The following PCDHGB3 variants were observed in gnomAD, a reference collection of about 807,000 sequenced individuals.
PCDHGB3 encodes protocadherin gamma-B3.
A neutral mutation model predicts 59.2 loss-of-function variants in PCDHGB3; 40 were observed. The observed-to-expected ratio is 0.68, with a 90% CI of 0.52 to 0.88. The LOEUF is 0.88. Ranked by LOEUF, PCDHGB3 falls within the 40% of genes least tolerant of loss-of-function variation. The pLI is 0.00. For synonymous variants in PCDHGB3, 581 were observed against 503.6 expected (o/e 1.15, Z -2.06); for missense variants, 1,309 against 1,187.9 (o/e 1.10, Z -1.50).
chr5:141,405,364 C>G, intron 1 of PCDHGB3: 1 of 1,613,548 alleles, frequency 6.2e-7, no homozygotes, highest in Non-Finnish European at 8.5e-7. Context: ...TAGAAGACAC[C>G]CCTTTGGTTC....
intron 2 of PCDHGB3, among the ~76,000 whole-genome samples, chr5:141,496,733 C>A (rs1221912777): frequency 6.6e-6 from 1 of 152,138 alleles, no homozygotes; most frequent in Non-Finnish European, 1.5e-5. Context: ...TGTATTCATT[C>A]GTTCATTTAT....
At chr5:141,381,761 A>G (rs1777413345) in intron 1 of PCDHGB3, among the ~76,000 whole-genome samples, 1 of 150,538 alleles carries the variant, frequency 6.6e-6, no homozygotes, top group Non-Finnish European at 1.5e-5. Flanking sequence ...TTCTACTACT[A>G]TATAATCAAT....
chr5:141,419,243 C>T (rs959206942), intron 1 of PCDHGB3: 2 of 1,613,998 alleles, frequency 1.2e-6, no homozygotes, highest in East Asian at 4.5e-5. Flanking sequence ...GGTCCACGTG[C>T]CAGAAAACAA....
chr5:141,385,442 G>T, intron 1 of PCDHGB3: 1 of 1,450,070 alleles, frequency 6.9e-7, no homozygotes, highest in Non-Finnish European at 9.1e-7. Context: ...AGGTAAAAAT[G>T]AGTTTACCAG....
intron 1 of PCDHGB3, chr5:141,404,212 C>T: frequency 3.7e-6 from 6 of 1,613,616 alleles, no homozygotes; most frequent in Non-Finnish European, 5.1e-6. Flanking sequence ...AATATAATAT[C>T]ACGGTGACTG....
intron 1 of PCDHGB3, chr5:141,419,237 C>A (rs2096348240): frequency 6.2e-7 from 1 of 1,613,988 alleles, no homozygotes; most frequent in Non-Finnish European, 8.5e-7. Flanking sequence ...CTACCTGGTC[C>A]ACGTGCCAGA....
intron 1 of PCDHGB3, chr5:141,423,349 T>A (rs2096733716): frequency 6.2e-7 from 1 of 1,614,196 alleles, no homozygotes; most frequent in East Asian, 2.2e-5. Context: ...CTTCCTGGTC[T>A]TTGTCATCGT....
intron 2 of PCDHGB3, among the ~76,000 whole-genome samples, chr5:141,498,091 C>G (rs2099781521): frequency 6.6e-6 from 1 of 152,156 alleles, no homozygotes; most frequent in African/African-American, 2.4e-5. Context: ...AGAATTGTAT[C>G]TGGTGGTGTG....
intron 1 of PCDHGB3, chr5:141,384,578 C>T: frequency 5.0e-6 from 8 of 1,614,256 alleles, no homozygotes; most frequent in Non-Finnish European, 6.8e-6. Flanking sequence ...GACAACCCGC[C>T]CGAGATCCTG....
intron 1 of PCDHGB3, among the ~76,000 whole-genome samples, chr5:141,483,945 ATTGTG>A (rs2099589210): frequency 8.3e-6 from 1 of 120,394 alleles, no homozygotes; most frequent in Non-Finnish European, 1.6e-5. Context: ...TACGGTGTGA[ATTGTG>A]TTGTGTTTCT....
Position 141,372,351 on chromosome 5 carries a change from C to A in PCDHGB3, c.1957C>A (p.Pro653Thr). ...CACTGTGCGTGATGGAGGACAGCAG[C>A]CTCTTTCAGCCACCGTCATGCTGCA... is the stretch of plus-strand genomic sequence containing the variant. ...LVTVRDGGQQ[P>T]LSATVMLHLI... Residue 653 changes from proline to threonine, a missense_variant, in exon 1 of 4, where the codon CCT becomes ACT. Physicochemically the swap from Pro to Thr is conservative, Grantham distance 38. Transcript: ENST00000576222. 1 of 1,613,872 alleles carries A rather than the reference C, an allele frequency of 6.2e-7. No homozygotes were observed. Among genetic ancestry groups the A allele is most frequent in the Non-Finnish European group, 8.5e-7 (1 of 1,179,896 alleles).
At chr5:141,413,716 C>T in intron 1 of PCDHGB3, 2 of 1,613,608 alleles carry the variant, frequency 1.2e-6, no homozygotes, top group Non-Finnish European at 1.7e-6. Flanking sequence ...CCCCAATAAG[C>T]ACTTCTCCCT....
At position 141,490,870 on chromosome 5, in the gene PCDHGB3, T is replaced by C; in HGVS notation, c.2416-3937T>C. Reference sequence around the variant, plus strand: ...GGTTCGAGACTCCGGCTCTCCCCCATTGCATGCCAACACATCTCTGCATGT... The same window carrying C: ...GGTTCGAGACTCCGGCTCTCCCCCACTGCATGCCAACACATCTCTGCATGT... On this transcript the variant is annotated intron_variant, in intron 1 of 3. Coordinates refer to ENST00000576222, the MANE Select transcript of PCDHGB3 (RefSeq NM_018924.5). The surrounding 1 kb of genome is among the most constrained non-coding windows in gnomAD (Gnocchi z 5.4). 6.2e-7 allele frequency: 1 copy of C among 1,613,888 alleles called. No homozygotes were observed. Among genetic ancestry groups the C allele is most frequent in the Non-Finnish European group, 8.5e-7 (1 of 1,179,932 alleles).
At position 141,487,611 on chromosome 5, in the gene PCDHGB3, T is replaced by C. The variant is rs1215704705; in HGVS notation, c.2416-7196T>C. ...CCACCCTCTGATCTTCTCTATGGGCTAGAGGTGAGACCTTTGCAGGCTCAA... is the reference window on the plus strand; with the variant it reads ...CCACCCTCTGATCTTCTCTATGGGCCAGAGGTGAGACCTTTGCAGGCTCAA... On this transcript the variant is annotated intron_variant, in intron 1 of 3. Transcript: ENST00000576222. This position sits in a 1 kb window ranked among gnomAD's most constrained non-coding sequence, Gnocchi z 5.0. The C allele has an allele frequency of 1.2e-6, 2 of 1,614,206 alleles. No homozygotes were observed. The highest frequency in any genetic ancestry group is 1.7e-6 in the Non-Finnish European group (2 of 1,180,036).
rs183723314 is a variant in PCDHGB3 at position 141,375,046 on chromosome 5, C to T, written c.2415+2237C>T. The T allele has an allele frequency of 2.1e-4, 333 of 1,613,912 alleles. 2 individuals are homozygous for T. The African/African-American group carries it at 4.0e-3, about 19-fold the overall frequency. The stretch of plus-strand genomic sequence containing the variant: ...GTTTTTATGAGCTGGGTGTTGAAGC[C>T]CGGGATGGGCCAGGTCTTCGAGACA... On this transcript the variant is annotated intron_variant, in intron 1 of 3. Coordinates refer to ENST00000576222, the MANE Select transcript of PCDHGB3 (RefSeq NM_018924.5).
At chr5:141,383,797 G>C in intron 1 of PCDHGB3, 1 of 1,613,964 alleles carries the variant, frequency 6.2e-7, no homozygotes, top group Non-Finnish European at 8.5e-7. Context: ...GCTTACAGGA[G>C]AAATATCAAC....
At chr5:141,398,162 A>G (rs1037240871) in intron 1 of PCDHGB3, 45 of 1,481,274 alleles carry the variant, frequency 3.0e-5, no homozygotes, top group Non-Finnish European at 4.0e-5. Flanking sequence ...GGCCGGGCTG[A>G]GAGGCTGCCA....
At position 141,431,391 on chromosome 5, in the gene PCDHGB3, T is replaced by C; in HGVS notation, c.2415+58582T>C. Reference sequence around the variant, plus strand: ...GAAGAAAAGGCTGCTCACCACCTGGTCCTTACGGCCTCCGACGGGGGCGAC... The same window carrying C: ...GAAGAAAAGGCTGCTCACCACCTGGCCCTTACGGCCTCCGACGGGGGCGAC... On this transcript the variant is annotated intron_variant, in intron 1 of 3. Transcript: ENST00000576222. The surrounding 1 kb of genome is among the most constrained non-coding windows in gnomAD (Gnocchi z 4.8). 1 of 1,613,852 alleles carries C rather than the reference T, an allele frequency of 6.2e-7. No homozygotes were observed.
rs556415227 is a variant in PCDHGB3, at chr5:141,476,903, G to A, written c.2416-17904G>A. ...GGAGGATGCACCCTCCGGCACGCGC[G>A]TGGTACAAGTCCTTGCAACGGATCT... On this transcript the variant is annotated intron_variant, in intron 1 of 3. Transcript: ENST00000576222. This position sits in a 1 kb window ranked among gnomAD's most constrained non-coding sequence, Gnocchi z 7.6. The A allele has an allele frequency of 1.4e-5, 22 of 1,614,018 alleles. No homozygotes were observed. In the African/African-American group the frequency reaches 1.7e-4, roughly 13 times the overall value.
Sources: allele counts gnomAD v4.1 joint callset (sites outside exome capture counted in the v4.1 genomes callset), GRCh38; gene constraint gnomAD v4.1.1; non-coding constraint Gnocchi (gnomAD v3.1); transcripts MANE v1.5; gene names NCBI Gene and HGNC (gene_info 2026-07-23, HGNC 2026-07-21).